Variants in GALNT17 observed in about 807,000 individuals in gnomAD.
GALNT17 encodes polypeptide N-acetylgalactosaminyltransferase 17.
Under a neutral mutation model 63.7 loss-of-function variants are expected in GALNT17, and 29 were observed. That is an observed-to-expected ratio of 0.46 (90% confidence interval 0.34 to 0.62). The LOEUF is 0.62. Ranked by LOEUF, GALNT17 falls within the 20% of genes least tolerant of loss-of-function variation. The pLI is 0.01. For missense variants in GALNT17, 603 were observed against 799.6 expected (o/e 0.75, Z 2.97); for synonymous variants, 305 against 318.3 (o/e 0.96, Z 0.45).
At chr7:71,700,276 A>G (rs368177195) in intron 9 of GALNT17, among the ~76,000 whole-genome samples, 1 of 151,616 alleles carries the variant, frequency 6.6e-6, no homozygotes, top group Non-Finnish European at 1.5e-5. Context: ...CCACTGCACT[A>G]CAGTTTGGGT....
chr7:71,309,743 C>T (rs572933880), intron 1 of GALNT17, among the ~76,000 whole-genome samples: 1 of 152,192 alleles, frequency 6.6e-6, no homozygotes, highest in East Asian at 1.9e-4. Flanking sequence ...AATTTGGGGT[C>T]ATGTAAATAC....
chr7:71,221,565 C>T (rs1789585146), intron 1 of GALNT17, among the ~76,000 whole-genome samples: 1 of 151,968 alleles, frequency 6.6e-6, no homozygotes, highest in Admixed American at 6.6e-5. Context: ...CTGCAGTCTC[C>T]TTTTGCTTTC....
At chr7:71,472,085 G>A (rs1275039484) in intron 5 of GALNT17, among the ~76,000 whole-genome samples, 1 of 152,108 alleles carries the variant, frequency 6.6e-6, no homozygotes, top group Non-Finnish European at 1.5e-5. Flanking sequence ...TTCAGCATCT[G>A]GCAAGGGCCC....
chr7:71,618,741 C>A (rs1300025063), intron 6 of GALNT17, among the ~76,000 whole-genome samples: 2 of 152,092 alleles, frequency 1.3e-5, no homozygotes, highest in Non-Finnish European at 2.9e-5. Flanking sequence ...TTGCAAATAT[C>A]TTCTCCCGTT....
chr7:71,377,092 A>T (rs1477369214), intron 2 of GALNT17, among the ~76,000 whole-genome samples: 2 of 63,244 alleles, frequency 3.2e-5, no homozygotes, highest in African/African-American at 2.1e-4. Context: ...TCTCAAAAAA[A>T]AAAAAAAATA....
chr7:71,386,269 CAT>C (rs1377059057), intron 2 of GALNT17, among the ~76,000 whole-genome samples: 1 of 152,222 alleles, frequency 6.6e-6, no homozygotes, highest in Admixed American at 6.5e-5. Context: ...TATGGCCTGA[CAT>C]AGCCCAAGCT....
rs561853085 is a variant in GALNT17 at position 71,640,324 on chromosome 7, A to AT, written c.1081-25077dup. 8.0e-3 allele frequency among the ~76,000 whole-genome samples: 1,190 copies of AT among 148,974 alleles called. 15 individuals carry two copies. Among genetic ancestry groups the AT allele is most frequent in the African/African-American group, 0.022 (879 of 40,738 alleles). On this transcript the variant is annotated intron_variant, in intron 6 of 10. Transcript: ENST00000333538. The stretch of plus-strand genomic sequence containing the variant: ...AAGTCTCTTGAAATCTGCATTCTAC[A>AT]TTTTTTTTTTAGATGATGGCTGGCC...
chr7:71,385,419 C>T (rs1792924528), intron 2 of GALNT17, among the ~76,000 whole-genome samples: 1 of 152,190 alleles, frequency 6.6e-6, no homozygotes, highest in Non-Finnish European at 1.5e-5. Context: ...CAGAGTCAGG[C>T]CTTGGTGCAC....
chr7:71,415,589 A>G lies in GALNT17; in HGVS notation c.590-300A>G, dbSNP rs1477188308. The stretch of plus-strand genomic sequence containing the variant: ...GGCCAAGTTTGGAGGAAGGGCCACT[A>G]AGAAAAGGAATCTTGAAGGACGTCT... On this transcript the variant is annotated intron_variant, in intron 3 of 10. Transcript: ENST00000333538. Among the ~76,000 whole-genome samples the G allele has an allele frequency of 2.6e-5, 4 of 152,292 alleles. No homozygotes were observed. The East Asian group carries it at 5.8e-4, about 22-fold the overall frequency.
intron 2 of GALNT17, among the ~76,000 whole-genome samples, chr7:71,377,514 T>G (rs1792766162): frequency 6.6e-6 from 1 of 152,112 alleles, no homozygotes; most frequent in South Asian, 2.1e-4. Flanking sequence ...TCTGGGTGTG[T>G]AGACTGAGTT....
chr7:71,359,472 G>A (rs897606036), intron 2 of GALNT17, among the ~76,000 whole-genome samples: 3 of 152,118 alleles, frequency 2.0e-5, no homozygotes, highest in African/African-American at 7.2e-5. Context: ...ATCCATGAGG[G>A]GTCGGCCCCA....
chr7:71,357,715 T>C (rs1792314222), intron 2 of GALNT17, among the ~76,000 whole-genome samples: 1 of 152,158 alleles, frequency 6.6e-6, no homozygotes. Flanking sequence ...GAGACCAGCC[T>C]GGCCAACATG....
At chr7:71,509,746 G>A (rs376282562) in intron 5 of GALNT17, among the ~76,000 whole-genome samples, 9 of 152,128 alleles carry the variant, frequency 5.9e-5, no homozygotes, top group African/African-American at 2.2e-4. Context: ...GCAGGACATG[G>A]GAACAGAGAG....
chr7:71,235,607 T>G (rs1789873544), intron 1 of GALNT17, among the ~76,000 whole-genome samples: 1 of 152,190 alleles, frequency 6.6e-6, no homozygotes, highest in Admixed American at 6.5e-5. Context: ...TCAGATATTT[T>G]TCTCCAGATT....
chr7:71,166,030 A>G (rs1267193070), intron 1 of GALNT17, among the ~76,000 whole-genome samples: 3 of 151,982 alleles, frequency 2.0e-5, no homozygotes, highest in Non-Finnish European at 2.9e-5. Context: ...CACGCAATGC[A>G]TAAGTATTCA....
chr7:71,262,648 A>G (rs1790406301), intron 1 of GALNT17, among the ~76,000 whole-genome samples: 1 of 149,772 alleles, frequency 6.7e-6, no homozygotes, highest in African/African-American at 2.5e-5. Context: ...TTAATCCAAG[A>G]TGACTGACTG....
intron 5 of GALNT17, among the ~76,000 whole-genome samples, chr7:71,438,759 T>C (rs1787012083): frequency 6.6e-6 from 1 of 152,196 alleles, no homozygotes; most frequent in Non-Finnish European, 1.5e-5. Flanking sequence ...AATATTATAA[T>C]AGCCCTTTTC....
At chr7:71,144,950 G>T (rs139038845) in intron 1 of GALNT17, among the ~76,000 whole-genome samples, 2 of 152,122 alleles carry the variant, frequency 1.3e-5, no homozygotes, top group Non-Finnish European at 2.9e-5. Flanking sequence ...GGATGGTCTT[G>T]ATCTCCTGAC....
intron 1 of GALNT17, among the ~76,000 whole-genome samples, chr7:71,307,302 A>G (rs1791323008): frequency 6.6e-6 from 1 of 152,050 alleles, no homozygotes; most frequent in South Asian, 2.1e-4. Context: ...AACACTTGTT[A>G]TTTTGTTTTC....
Sources: gnomAD v4.1 joint callset for allele counts (sites outside exome capture counted in the v4.1 genomes callset) on GRCh38, gnomAD v4.1.1 for gene constraint, MANE v1.5 for transcripts, NCBI Gene and HGNC (gene_info 2026-07-23, HGNC 2026-07-21) for gene names.